The following PTPRD variants were observed in gnomAD, a reference collection of about 807,000 sequenced individuals.
PTPRD encodes the protein protein tyrosine phosphatase receptor type D.
A neutral mutation model predicts 214.5 loss-of-function variants in PTPRD; 34 were observed. The observed-to-expected ratio is 0.16, with a 90% CI of 0.12 to 0.21. The LOEUF is 0.21. Among genes scored for constraint, PTPRD ranks in the 10% least tolerant of loss-of-function variants. The probability of loss-of-function intolerance (pLI) is 1.00; values close to 1 mark genes in which losing one functional copy is unlikely to be tolerated. For missense variants in PTPRD, 2,545 were observed against 2,398.7 expected (o/e 1.06, Z -1.27); for synonymous variants, 1,128 against 845.7 (o/e 1.33, Z -5.79).
At chr9:10,123,864 C>T (rs1371848949) in intron 3 of PTPRD, among the ~76,000 whole-genome samples, 1 of 152,146 alleles carries the variant, frequency 6.6e-6, no homozygotes, top group Non-Finnish European at 1.5e-5. Context: ...CACAATGTCA[C>T]ATCCATAGTG....
At chr9:10,242,921 A>AAGAG (rs1306863987) in intron 3 of PTPRD, among the ~76,000 whole-genome samples, 2 of 150,236 alleles carry the variant, frequency 1.3e-5, no homozygotes, top group Non-Finnish European at 3.0e-5. Context: ...AAAGGAAGGG[A>AAGAG]AGAGAGGGAG....
chr9:10,432,284 G>T (rs1421797295), intron 2 of PTPRD, among the ~76,000 whole-genome samples: 6 of 120,780 alleles, frequency 5.0e-5, no homozygotes, highest in African/African-American at 1.6e-4. Context: ...TGGGGACTGT[G>T]GTGGGGTGGG....
At chr9:9,888,228 T>C (rs2071724019) in intron 5 of PTPRD, among the ~76,000 whole-genome samples, 1 of 152,126 alleles carries the variant, frequency 6.6e-6, no homozygotes, top group Non-Finnish European at 1.5e-5. Context: ...GTCAGTGAAG[T>C]GAAAGTAGAA....
At chr9:10,552,235 A>T (rs976869651) in intron 2 of PTPRD, among the ~76,000 whole-genome samples, 1 of 149,244 alleles carries the variant, frequency 6.7e-6, no homozygotes, top group Non-Finnish European at 1.5e-5. Context: ...CGACACTAAT[A>T]GAACAGAAAA....
intron 3 of PTPRD, among the ~76,000 whole-genome samples, chr9:10,053,707 C>T (rs187847670): frequency 6.6e-6 from 1 of 152,192 alleles, no homozygotes; most frequent in Admixed American, 6.5e-5. Flanking sequence ...TATGAAGATA[C>T]TAGAAAGCTA....
At chr9:9,955,770 C>A (rs1453476047) in intron 4 of PTPRD, among the ~76,000 whole-genome samples, 2 of 152,158 alleles carry the variant, frequency 1.3e-5, no homozygotes, top group Non-Finnish European at 1.5e-5. Context: ...TGATAGCCCG[C>A]CTCGGCCTCC....
intron 5 of PTPRD, among the ~76,000 whole-genome samples, chr9:9,918,239 A>G (rs764066449): frequency 6.6e-6 from 1 of 151,668 alleles, no homozygotes; most frequent in African/African-American, 2.4e-5. Context: ...ATTAAGTCAC[A>G]TTTCAATACA....
intron 2 of PTPRD, among the ~76,000 whole-genome samples, chr9:10,492,800 G>A (rs1202592714): frequency 2.0e-5 from 3 of 152,110 alleles, no homozygotes; most frequent in Admixed American, 2.0e-4. Context: ...TCTATGTCCT[G>A]AGTGGTATTG....
chr9:8,934,066 T>A (rs1208589005), intron 11 of PTPRD, among the ~76,000 whole-genome samples: 1 of 152,004 alleles, frequency 6.6e-6, no homozygotes, highest in Non-Finnish European at 1.5e-5. Context: ...TCTTTTGGCC[T>A]CAGTCACCAT....
chr9:8,972,154 A>G (rs1293252891), intron 11 of PTPRD, among the ~76,000 whole-genome samples: 1 of 151,844 alleles, frequency 6.6e-6, no homozygotes, highest in Non-Finnish European at 1.5e-5. Context: ...ATATGCATCT[A>G]TGATATTATA....
intron 2 of PTPRD, among the ~76,000 whole-genome samples, chr9:10,518,905 C>G (rs955860517): frequency 2.6e-5 from 4 of 151,778 alleles, no homozygotes; most frequent in Middle Eastern, 3.4e-3. Flanking sequence ...AAAATAAATC[C>G]TCTTCATACA....
At chr9:8,792,638 A>T (rs1445590581) in intron 11 of PTPRD, among the ~76,000 whole-genome samples, 1 of 152,202 alleles carries the variant, frequency 6.6e-6, no homozygotes, top group African/African-American at 2.4e-5. Context: ...GTTGTTGTTT[A>T]ATCCTTTAAA....
intron 7 of PTPRD, among the ~76,000 whole-genome samples, chr9:9,632,512 T>A (rs1228878104): frequency 6.6e-6 from 1 of 152,148 alleles, no homozygotes; most frequent in African/African-American, 2.4e-5. Flanking sequence ...CTTGTAAATA[T>A]ATTAAAAACA....
intron 9 of PTPRD, among the ~76,000 whole-genome samples, chr9:9,215,921 A>C (rs990248593): frequency 6.6e-6 from 1 of 152,106 alleles, no homozygotes. Context: ...AGTACTGTAC[A>C]CTCTGCTAGA....
Position 10,523,358 on chromosome 9 carries a change from T to G in PTPRD, c.-600+89040A>C, listed in dbSNP as rs114695773. ...CGTGTGTATTTCCTGCATGCCTTGA[T>G]ATATTAGGTGTCTATGACAAAGCAA... On this transcript the variant is annotated intron_variant, in intron 2 of 45. Coordinates refer to ENST00000381196, the MANE Select transcript of PTPRD (RefSeq NM_002839.4). 5.3e-3 allele frequency among the ~76,000 whole-genome samples: 810 copies of G among 151,710 alleles called. 11 individuals carry two copies. Among genetic ancestry groups the G allele is most frequent in the African/African-American group, 0.018 (757 of 41,438 alleles).
intron 5 of PTPRD, among the ~76,000 whole-genome samples, chr9:9,848,040 G>T (rs760345597): frequency 3.3e-5 from 5 of 152,140 alleles, no homozygotes; most frequent in Non-Finnish European, 5.9e-5. Context: ...CATAAGAAAA[G>T]ACTTGTGAAT....
At chr9:8,709,080 T>C (rs2098270909) in intron 12 of PTPRD, among the ~76,000 whole-genome samples, 1 of 152,026 alleles carries the variant, frequency 6.6e-6, no homozygotes, top group African/African-American at 2.4e-5. Context: ...GAATAGTGGC[T>C]ATCAGAGGCT....
chr9:10,531,871 T>C lies in PTPRD; in HGVS notation c.-600+80527A>G, dbSNP rs114053883. Among the ~76,000 whole-genome samples, 360 of 152,274 alleles carry C rather than the reference T, an allele frequency of 2.4e-3. 1 individual carries two copies. Among genetic ancestry groups the C allele is most frequent in the African/African-American group, 7.5e-3 (310 of 41,566 alleles). On this transcript the variant is annotated intron_variant, in intron 2 of 45. Transcript: ENST00000381196. Reference sequence around the variant, plus strand: ...AGAAATGTAATAGCAGAACTAACTATAGTTATTGTAAAGTGGACAATGGTA... The same window carrying C: ...AGAAATGTAATAGCAGAACTAACTACAGTTATTGTAAAGTGGACAATGGTA...
chr9:8,736,327 G>C (rs983035220), intron 11 of PTPRD, among the ~76,000 whole-genome samples: 18 of 152,036 alleles, frequency 1.2e-4, no homozygotes, highest in African/African-American at 4.3e-4. Flanking sequence ...TAAAAATAAA[G>C]AGAGTAGATC....
Sources: allele counts gnomAD v4.1 joint callset (sites outside exome capture counted in the v4.1 genomes callset), GRCh38; gene constraint gnomAD v4.1.1; transcripts MANE v1.5; gene names NCBI Gene and HGNC (gene_info 2026-07-23, HGNC 2026-07-21).